Variants in PCDHA10 observed in about 807,000 individuals in gnomAD.
PCDHA10 encodes protocadherin alpha-10.
In PCDHA10, 45 loss-of-function variants were observed where a neutral mutation model predicts 61.2. The ratio of observed to expected loss-of-function variants is 0.74; its 90% CI spans 0.58 to 0.94. The LOEUF is 0.94. PCDHA10 is among the 40% of genes least tolerant of loss of function. The pLI is 0.00. For synonymous variants in PCDHA10, 602 were observed against 548.8 expected, an observed-to-expected ratio of 1.10 and a Z score of -1.35; for missense variants, 1,278 against 1,236.2, an observed-to-expected ratio of 1.03 and a Z score of -0.51.
intron 1 of PCDHA10, chr5:140,967,201 A>T: frequency 6.2e-7 from 1 of 1,613,620 alleles, no homozygotes; most frequent in Non-Finnish European, 8.5e-7. Flanking sequence ...ACGACAACTC[A>T]CCGCGTTTCC....
At chr5:140,876,098 A>G in intron 1 of PCDHA10, 2 of 1,613,962 alleles carry the variant, frequency 1.2e-6, no homozygotes, top group Non-Finnish European at 1.7e-6. Flanking sequence ...CCAAAACTCA[A>G]TTTATTGCTG....
chr5:140,966,575 A>C (rs2096022921), intron 1 of PCDHA10: 1 of 520,380 alleles, frequency 1.9e-6, no homozygotes, highest in Non-Finnish European at 3.2e-6. Context: ...ATGGGGAGTC[A>C]GCGAGGACGG....
intron 1 of PCDHA10, among the ~76,000 whole-genome samples, chr5:140,972,533 T>C (rs2096540643): frequency 6.6e-6 from 1 of 152,134 alleles, no homozygotes; most frequent in African/African-American, 2.4e-5. Flanking sequence ...ATTTCATAAA[T>C]CACTTGTGCA....
At chr5:140,895,835 A>G (rs782780692) in intron 1 of PCDHA10, among the ~76,000 whole-genome samples, 3 of 152,096 alleles carry the variant, frequency 2.0e-5, no homozygotes, top group Non-Finnish European at 4.4e-5. Context: ...TTTTCAGACA[A>G]AGTCTCACTC....
At chr5:140,882,701 T>C in intron 1 of PCDHA10, 2 of 1,614,138 alleles carry the variant, frequency 1.2e-6, no homozygotes, top group South Asian at 1.1e-5. Context: ...CATTGCAGAA[T>C]CTAGACCTCC....
rs868938085 is a variant in PCDHA10, at chr5:140,882,236, T to C, written c.2388+23800T>C. On this transcript the variant is annotated intron_variant, in intron 1 of 3. Coordinates refer to ENST00000307360, the MANE Select transcript of PCDHA10 (RefSeq NM_018901.4). ...AGTTTGAGGTAAGGCGTTGTATATA[T>C]TGCAGATAGCTCTGAGGTTTTTGGA... 7.6e-6 allele frequency: 12 copies of C among 1,581,516 alleles called. 1 individual carries two copies. The Middle Eastern group carries it at 1.0e-3, about 134-fold the overall frequency.
chr5:141,004,461 A>C (rs1160733381), intron 3 of PCDHA10, among the ~76,000 whole-genome samples: 1 of 152,216 alleles, frequency 6.6e-6, no homozygotes, highest in Non-Finnish European at 1.5e-5. Context: ...CAGGAAGCTC[A>C]GTGACATGTT....
At chr5:140,920,269 A>G (rs1342153832) in intron 1 of PCDHA10, among the ~76,000 whole-genome samples, 1 of 152,224 alleles carries the variant, frequency 6.6e-6, no homozygotes, top group Non-Finnish European at 1.5e-5. Flanking sequence ...TTATTACTTT[A>G]TGTAATCTTA....
intron 1 of PCDHA10, among the ~76,000 whole-genome samples, chr5:140,886,744 TG>T (rs2061111877): frequency 6.6e-6 from 1 of 150,996 alleles, no homozygotes. Flanking sequence ...GAGAATTGCT[TG>T]AACCCGGGAG....
chr5:140,885,566 G>T (rs190303990), intron 1 of PCDHA10, among the ~76,000 whole-genome samples: 3 of 152,162 alleles, frequency 2.0e-5, no homozygotes, highest in South Asian at 4.2e-4. Flanking sequence ...GAAATTGATT[G>T]TCAGATGTGG....
At chr5:140,882,086 A>T in intron 1 of PCDHA10, 2 of 1,056,122 alleles carry the variant, frequency 1.9e-6, no homozygotes, top group Non-Finnish European at 2.7e-6. Context: ...GTCGCTCTTC[A>T]CTGAGAACGT....
At chr5:140,983,621 A>G (rs1271083054) in intron 3 of PCDHA10, among the ~76,000 whole-genome samples, 5 of 152,250 alleles carry the variant, frequency 3.3e-5, no homozygotes, top group African/African-American at 1.2e-4. Flanking sequence ...CAGAGAGATT[A>G]AGAAATGTAC....
At chr5:140,879,910 T>C (rs2058174335) in intron 1 of PCDHA10, among the ~76,000 whole-genome samples, 1 of 152,194 alleles carries the variant, frequency 6.6e-6, no homozygotes, top group Non-Finnish European at 1.5e-5. Context: ...TCTCTATGTG[T>C]TGGTTTTACA....
At position 140,942,589 on chromosome 5, in the gene PCDHA10, T is replaced by A. The variant is rs1444015331; in HGVS notation, c.2389-36360T>A. On this transcript the variant is annotated intron_variant, in intron 1 of 3. Coordinates refer to ENST00000307360, the MANE Select transcript of PCDHA10 (RefSeq NM_018901.4). ...AAATCTTCCCATATAGGATGTCACA[T>A]ATAATTATAGTGTTTATATTTGCCA... Among the ~76,000 whole-genome samples, 4 of 148,934 alleles carry A rather than the reference T, an allele frequency of 2.7e-5. No homozygotes were observed. In the Admixed American group the frequency reaches 2.7e-4, roughly 10 times the overall value.
intron 3 of PCDHA10, among the ~76,000 whole-genome samples, chr5:140,987,298 G>A (rs2097247103): frequency 6.6e-6 from 1 of 152,086 alleles, no homozygotes; most frequent in South Asian, 2.1e-4. Context: ...AGCCTTCTAT[G>A]TGATACCAAT....
At chr5:140,892,998 AT>A (rs2063775886) in intron 1 of PCDHA10, among the ~76,000 whole-genome samples, 1 of 152,170 alleles carries the variant, frequency 6.6e-6, no homozygotes, top group South Asian at 2.1e-4. Context: ...GAGAACATGT[AT>A]TTATTTTTCT....
intron 1 of PCDHA10, among the ~76,000 whole-genome samples, chr5:140,893,868 AGATC>A (rs1369386852): frequency 1.3e-5 from 2 of 152,168 alleles, no homozygotes; most frequent in Non-Finnish European, 2.9e-5. Context: ...GAAACAACCC[AGATC>A]CAAAGTGGCC....
intron 1 of PCDHA10, chr5:140,928,537 A>G (rs2085311063): frequency 1.2e-6 from 2 of 1,614,198 alleles, no homozygotes; most frequent in African/African-American, 2.7e-5. Context: ...GGTAGATAGG[A>G]ATGACAATTA....
chr5:140,968,789 G>C, intron 1 of PCDHA10: 5 of 1,614,180 alleles, frequency 3.1e-6, no homozygotes, highest in Non-Finnish European at 4.2e-6. Context: ...AGCCTCTGTG[G>C]CCATTACAGT....
Sources: gnomAD v4.1 joint callset for allele counts (sites outside exome capture counted in the v4.1 genomes callset) on GRCh38, gnomAD v4.1.1 for gene constraint, MANE v1.5 for transcripts, NCBI Gene and HGNC (gene_info 2026-07-23, HGNC 2026-07-21) for gene names.